Variants in CEP120 observed in about 807,000 individuals in gnomAD.
CEP120 encodes the protein centrosomal protein 120.
CEP120 carries 113 observed loss-of-function variants against 126.5 expected under a neutral mutation model. The ratio of observed to expected loss-of-function variants is 0.89; its 90% CI spans 0.77 to 1.04. The LOEUF (loss-of-function observed/expected upper bound fraction) is 1.04. CEP120 is among the 50% of genes least tolerant of loss of function. The pLI is 0.00. For missense variants in CEP120, 1,230 were observed against 1,155.7 expected, an observed-to-expected ratio of 1.06 and a Z score of -0.93; for synonymous variants, 400 against 394.3, an observed-to-expected ratio of 1.01 and a Z score of -0.17.
At chr5:123,402,168 C>A (rs1477075572) in intron 4 of CEP120, 2 of 1,580,922 alleles carry the variant, frequency 1.3e-6, no homozygotes, top group Admixed American at 1.7e-5. Flanking sequence ...GCCTCCCATG[C>A]CGCTGGCCCC....
intron 18 of CEP120, among the ~76,000 whole-genome samples, chr5:123,362,737 T>C (rs1338150104): frequency 6.6e-6 from 1 of 151,626 alleles, no homozygotes; most frequent in East Asian, 1.9e-4. Flanking sequence ...TTCCTAAACA[T>C]AAGAATTCCA....
intron 16 of CEP120, among the ~76,000 whole-genome samples, chr5:123,373,098 G>A (rs1025576972): frequency 7.2e-5 from 11 of 151,902 alleles, no homozygotes; most frequent in African/African-American, 2.7e-4. Flanking sequence ...TTAAGATGTC[G>A]CATATAAGAA....
chr5:123,399,594 G>A (rs181987601), intron 4 of CEP120, among the ~76,000 whole-genome samples: 113 of 152,258 alleles, frequency 7.4e-4, no homozygotes, highest in African/African-American at 2.5e-3. Context: ...AGCTAGATAT[G>A]GCTAAGAAGA....
chr5:123,358,163 T>C (rs531202725), intron 18 of CEP120: 1 of 151,920 alleles, frequency 6.6e-6, no homozygotes, highest in Non-Finnish European at 1.5e-5. Flanking sequence ...GCAATGTTGT[T>C]TGCAAAAAGA....
intron 7 of CEP120, chr5:123,390,511 AT>A: frequency 3.3e-6 from 1 of 307,636 alleles, no homozygotes; most frequent in Non-Finnish European, 6.3e-6. Flanking sequence ...TCTCTCCTTT[AT>A]TCCACTCCCC....
At chr5:123,406,975 T>TA (rs1773727006) in intron 4 of CEP120, among the ~76,000 whole-genome samples, 1 of 151,846 alleles carries the variant, frequency 6.6e-6, no homozygotes, top group Admixed American at 6.6e-5. Context: ...TATTTTATTT[T>TA]AAAATACCTA....
At chr5:123,397,427 G>C (rs1772860100) in intron 5 of CEP120, among the ~76,000 whole-genome samples, 1 of 152,228 alleles carries the variant, frequency 6.6e-6, no homozygotes. Flanking sequence ...AGAGTGTTCT[G>C]ATGTGGTTAA....
chr5:123,410,225 C>A (rs1193281322), intron 4 of CEP120, among the ~76,000 whole-genome samples: 19 of 152,126 alleles, frequency 1.2e-4, no homozygotes, highest in Admixed American at 1.2e-3. Flanking sequence ...GGAGATAGTG[C>A]ATGTTCACAG....
At chr5:123,420,551 G>T (rs1257929321) in intron 1 of CEP120, among the ~76,000 whole-genome samples, 1 of 152,178 alleles carries the variant, frequency 6.6e-6, no homozygotes, top group African/African-American at 2.4e-5. Flanking sequence ...AGGTAGGCAA[G>T]AGGTCTACCA....
chr5:123,391,046 C>G (rs534626167), intron 7 of CEP120, 64 bp downstream of exon 7: 1 of 1,230,480 alleles, frequency 8.1e-7, no homozygotes, highest in Admixed American at 2.4e-5. Flanking sequence ...TGAAATTCAA[C>G]TTTTGTAAGT....
At chr5:123,376,697 A>G (rs1378708186) in intron 16 of CEP120, among the ~76,000 whole-genome samples, 5 of 152,100 alleles carry the variant, frequency 3.3e-5, no homozygotes, top group Non-Finnish European at 7.4e-5. Context: ...CTGAACAGAG[A>G]TGCCAAAAAG....
At chr5:123,393,551 G>GC in intron 5 of CEP120, 54 bp from the exon 6 acceptor site, 1 of 1,406,330 alleles carries the variant, frequency 7.1e-7, no homozygotes, top group South Asian at 1.2e-5. Flanking sequence ...TACTGAACAT[G>GC]CTTAGTGTAT....
Position 123,423,348 on chromosome 5 carries a change from T to G in CEP120, c.-350A>C. The G allele has an allele frequency of 1.2e-5, 4 of 341,340 alleles. No homozygotes were observed. Among genetic ancestry groups the G allele is most frequent in the Non-Finnish European group, 2.2e-5 (4 of 184,426 alleles). 21.1% of individuals were successfully genotyped at this position (341,340 alleles called of 1,614,324 possible). A position where few individuals can be genotyped will look rare whatever the true frequency, so the allele number is the denominator to read the frequency against. On this transcript the variant is annotated 5_prime_UTR_variant, in exon 1 of 20. Coordinates refer to ENST00000306467, the MANE Select transcript of CEP120 (RefSeq NM_001375405.1). ...CGCAGCGGCCGCCGCCGCGCCCAGC[T>G]TCCGCCTAGCAACCAGGCCCGCAGG...
chr5:123,374,098 T>G (rs982499353), intron 16 of CEP120, among the ~76,000 whole-genome samples: 2 of 152,126 alleles, frequency 1.3e-5, no homozygotes, highest in Non-Finnish European at 2.9e-5. Flanking sequence ...AATTTTAATG[T>G]AGCATTTCTT....
At chr5:123,411,114 T>G (rs1774028430) in intron 4 of CEP120, among the ~76,000 whole-genome samples, 1 of 152,114 alleles carries the variant, frequency 6.6e-6, no homozygotes, top group Non-Finnish European at 1.5e-5. Flanking sequence ...AATTGCAAAT[T>G]AAAACAACAA....
At chr5:123,421,056 G>T (rs1011095890) in intron 1 of CEP120, among the ~76,000 whole-genome samples, 3 of 152,176 alleles carry the variant, frequency 2.0e-5, no homozygotes, top group Non-Finnish European at 4.4e-5. Context: ...CTTGACTCCA[G>T]GTTCTCTTCC....
intron 2 of CEP120, 120 bp from the exon 3 acceptor site, chr5:123,416,244 T>C (rs1774384542): frequency 6.2e-6 from 4 of 641,370 alleles, no homozygotes; most frequent in Non-Finnish European, 1.1e-5. Flanking sequence ...GTAACTATTT[T>C]ACATTGTCTA....
chr5:123,355,444 CTTG>C (rs1769524760), intron 18 of CEP120, among the ~76,000 whole-genome samples: 1 of 152,228 alleles, frequency 6.6e-6, no homozygotes, highest in South Asian at 2.1e-4. Context: ...CTCTCCAGCA[CTTG>C]TTGTTTCCTG....
intron 17 of CEP120, 92 bp from the exon 18 acceptor site, chr5:123,364,686 AAG>A: frequency 1.6e-6 from 1 of 619,276 alleles, no homozygotes; most frequent in Non-Finnish European, 2.7e-6. Context: ...GGCTTAAGAA[AAG>A]AGTTTATACA....
Sources: allele counts gnomAD v4.1 joint callset (sites outside exome capture counted in the v4.1 genomes callset), GRCh38; gene constraint gnomAD v4.1.1; transcripts MANE v1.5; gene names NCBI Gene and HGNC (gene_info 2026-07-23, HGNC 2026-07-21).